Variants in CAPZB observed in about 807,000 individuals in gnomAD.
The protein encoded by CAPZB is F-actin-capping protein subunit beta.
In CAPZB, 2 loss-of-function variants were observed where a neutral mutation model predicts 38.1. The observed-to-expected ratio is 0.05, with a 90% CI of 0.02 to 0.17. The LOEUF (loss-of-function observed/expected upper bound fraction) is 0.17. Ranked by LOEUF, CAPZB falls within the 10% of genes least tolerant of loss-of-function variation. CAPZB has a pLI of 1.00. For synonymous variants in CAPZB, 107 were observed against 127.4 expected (o/e 0.84, Z 1.08); for missense variants, 161 against 334.2 (o/e 0.48, Z 4.04).
chr1:19,345,121 G>A (rs1446158493), intron 7 of CAPZB, 66 bp downstream of exon 7: 60 of 1,222,762 alleles, frequency 4.9e-5, no homozygotes, highest in Non-Finnish European at 6.9e-5. Flanking sequence ...CAGCACAGCG[G>A]CTCCGGGGCT....
intron 4 of CAPZB, 60 bp downstream of exon 4, chr1:19,378,480 C>A: frequency 1.0e-6 from 1 of 955,238 alleles, no homozygotes; most frequent in South Asian, 1.3e-5. Flanking sequence ...AACACTGCCA[C>A]TTAGGATTTA....
At chr1:19,443,752 G>A (rs1468224792) in intron 1 of CAPZB, among the ~76,000 whole-genome samples, 2 of 152,238 alleles carry the variant, frequency 1.3e-5, no homozygotes, top group Non-Finnish European at 2.9e-5. Flanking sequence ...ACCTGGGCAA[G>A]GCCGCCTGGC....
At chr1:19,475,545 G>A (rs2094603925) in intron 1 of CAPZB, among the ~76,000 whole-genome samples, 1 of 152,342 alleles carries the variant, frequency 6.6e-6, no homozygotes, top group East Asian at 1.9e-4. Flanking sequence ...GCTCAAGAGA[G>A]CACTGCCCCA....
At chr1:19,467,299 TG>T (rs1267962526) in intron 1 of CAPZB, among the ~76,000 whole-genome samples, 1 of 152,166 alleles carries the variant, frequency 6.6e-6, no homozygotes, top group African/African-American at 2.4e-5. Context: ...GGCTCATTCC[TG>T]CAGTGCAGCA....
chr1:19,447,623 G>A (rs1218381568), intron 1 of CAPZB, among the ~76,000 whole-genome samples: 2 of 152,146 alleles, frequency 1.3e-5, no homozygotes, highest in Non-Finnish European at 2.9e-5. Context: ...AGTGTTGTGT[G>A]CATGCAGCAA....
chr1:19,385,624 G>A lies in CAPZB; in HGVS notation c.96C>T (p.Val32=). The part of the protein sequence containing the change: ...EKNLSDLIDL[V]PSLCEDLLSS... ...ACAGGAGATCCTCACATAGACTGGG[G>A]ACCTGGCAGAGAGAAAGGACAAGGT... The change falls in exon 3 of 9, where the codon GTC becomes GTT. Residue 32 remains valine (V), a splice_region_variant and synonymous_variant. Coordinates refer to ENST00000264202, the MANE Select transcript of CAPZB (RefSeq NM_004930.5). 1.2e-6 allele frequency: 2 copies of A among 1,614,174 alleles called. No homozygotes were observed. The highest frequency in any genetic ancestry group is 1.7e-6 in the Non-Finnish European group (2 of 1,180,028).
At chr1:19,376,323 C>T (rs921534995) in intron 4 of CAPZB, among the ~76,000 whole-genome samples, 2 of 152,250 alleles carry the variant, frequency 1.3e-5, no homozygotes, top group Non-Finnish European at 2.9e-5. Flanking sequence ...GAACTTTCCA[C>T]TTCCACCTTC....
chr1:19,422,532 T>G (rs944586759), intron 1 of CAPZB, among the ~76,000 whole-genome samples: 2 of 152,018 alleles, frequency 1.3e-5, no homozygotes, highest in African/African-American at 2.4e-5. Context: ...GTCAGGAGAT[T>G]GAGACCATCC....
At chr1:19,339,726 T>G (rs1452556724) in intron 8 of CAPZB, 109 bp from the exon 9 acceptor site, 3 of 844,754 alleles carry the variant, frequency 3.6e-6, no homozygotes, top group Non-Finnish European at 6.2e-6. Flanking sequence ...ATGGACCCGC[T>G]TCCTGGGGTG....
At position 19,480,392 on chromosome 1, in the gene CAPZB, C is replaced by T. The variant is rs549732099; in HGVS notation, c.3+5044G>A. On this transcript the variant is annotated intron_variant, in intron 1 of 8. Transcript: ENST00000264202. Reference sequence around the variant, plus strand: ...GAGACCAAGGGAATTAGCCGCCTCACTGACAGTCACATGCTGAGTGGCAGA... The same window carrying T: ...GAGACCAAGGGAATTAGCCGCCTCATTGACAGTCACATGCTGAGTGGCAGA... Among the ~76,000 whole-genome samples the T allele has an allele frequency of 2.0e-5, 3 of 152,342 alleles. No individual in the cohort carries two copies. The East Asian group carries it at 5.8e-4, about 29-fold the overall frequency.
intron 1 of CAPZB, among the ~76,000 whole-genome samples, chr1:19,458,185 T>C (rs2094539227): frequency 6.6e-6 from 1 of 151,994 alleles, no homozygotes; most frequent in Non-Finnish European, 1.5e-5. Context: ...CTTTATTAAG[T>C]TGAACTACAT....
chr1:19,365,356 G>A (rs2094077754), intron 4 of CAPZB, among the ~76,000 whole-genome samples: 1 of 152,190 alleles, frequency 6.6e-6, no homozygotes, highest in Non-Finnish European at 1.5e-5. Context: ...AAGTCTTTAT[G>A]CACAGGAATA....
chr1:19,470,082 G>A (rs981716333), intron 1 of CAPZB, among the ~76,000 whole-genome samples: 34 of 152,110 alleles, frequency 2.2e-4, no homozygotes, highest in African/African-American at 6.8e-4. Context: ...TGCTGGGTGC[G>A]GTAGAGCAAA....
intron 6 of CAPZB, among the ~76,000 whole-genome samples, chr1:19,349,925 A>G (rs1257071620): frequency 6.6e-6 from 1 of 152,236 alleles, no homozygotes; most frequent in East Asian, 1.9e-4. Flanking sequence ...CACCAAAAAC[A>G]GAACCATTTG....
At chr1:19,417,040 C>T (rs150626614) in intron 2 of CAPZB, among the ~76,000 whole-genome samples, 1 of 152,142 alleles carries the variant, frequency 6.6e-6, no homozygotes, top group African/African-American at 2.4e-5. Context: ...CGAAAGACAG[C>T]TCTTGATACT....
At position 19,422,042 on chromosome 1, in the gene CAPZB, G is replaced by A. The variant is rs148830296; in HGVS notation, c.4-2292C>T. On this transcript the variant is annotated intron_variant, in intron 1 of 8. Coordinates refer to ENST00000264202, the MANE Select transcript of CAPZB (RefSeq NM_004930.5). ...ATGTTCAAACTCAATACAAAGCTAC[G>A]TATTCTCTTGGCCAAGCAAGAATAG... 1.5e-3 allele frequency among the ~76,000 whole-genome samples: 235 copies of A among 151,934 alleles called. 1 individual carries two copies. The highest frequency in any genetic ancestry group is 5.4e-3 in the African/African-American group (225 of 41,394).
intron 1 of CAPZB, among the ~76,000 whole-genome samples, chr1:19,456,639 CT>C (rs1345669188): frequency 2.6e-5 from 4 of 152,202 alleles, no homozygotes; most frequent in Non-Finnish European, 4.4e-5. Flanking sequence ...CAGACCCAGC[CT>C]GTCTTTAAGG....
intron 1 of CAPZB, among the ~76,000 whole-genome samples, chr1:19,469,741 TACACACACACACACACACACACACAC>T (rs60330360): frequency 3.7e-5 from 5 of 136,722 alleles, no homozygotes; most frequent in African/African-American, 8.3e-5. Context: ...AGGAAAAGAA[TACACACACACACACACACACACACAC>T]ACACACACAC....
intron 2 of CAPZB, among the ~76,000 whole-genome samples, chr1:19,406,452 C>T (rs977851745): frequency 6.6e-6 from 1 of 152,146 alleles, no homozygotes; most frequent in Non-Finnish European, 1.5e-5. Flanking sequence ...GGAAGCTACC[C>T]ACTACGGAGA....
Sources: gnomAD v4.1 joint callset for allele counts (sites outside exome capture counted in the v4.1 genomes callset) on GRCh38, gnomAD v4.1.1 for gene constraint, MANE v1.5 for transcripts, NCBI Gene and HGNC (gene_info 2026-07-23, HGNC 2026-07-21) for gene names.